Variants in NCK2 observed in about 807,000 individuals in gnomAD.
The protein encoded by NCK2 is NCK adaptor protein 2.
Under a neutral mutation model 33.9 loss-of-function variants are expected in NCK2, and 16 were observed. The observed-to-expected ratio is 0.47, with a 90% CI of 0.32 to 0.72. NCK2 has a LOEUF of 0.72. Among genes scored for constraint, NCK2 ranks in the 30% least tolerant of loss-of-function variants. The probability of loss-of-function intolerance (pLI) is 0.03; values close to 1 mark genes in which losing one functional copy is unlikely to be tolerated. For missense variants in NCK2, 418 were observed against 537.3 expected (o/e 0.78, Z 2.19); for synonymous variants, 273 against 239.9 (o/e 1.14, Z -1.27).
chr2:105,890,431 A>G (rs1438299160), intron 4 of NCK2, among the ~76,000 whole-genome samples: 4 of 152,226 alleles, frequency 2.6e-5, no homozygotes, highest in Admixed American at 6.5e-5. Flanking sequence ...AGTAAACTCT[A>G]TAAGTGAGAC....
At chr2:105,889,896 T>A (rs1042493888) in intron 4 of NCK2, among the ~76,000 whole-genome samples, 1 of 152,184 alleles carries the variant, frequency 6.6e-6, no homozygotes, top group Non-Finnish European at 1.5e-5. Flanking sequence ...CTTGAGAATA[T>A]GCTTCCTAAC....
intron 4 of NCK2, among the ~76,000 whole-genome samples, chr2:105,891,561 T>TGAGATAGAG (rs1678981824): frequency 9.8e-5 from 1 of 10,234 alleles, no homozygotes; most frequent in African/African-American, 5.9e-4. Context: ...TTTTTTTTTT[T>TGAGATAGAG]TTTTTTTGAG....
chr2:105,877,948 A>G (rs1678304337), intron 3 of NCK2, among the ~76,000 whole-genome samples: 1 of 152,206 alleles, frequency 6.6e-6, no homozygotes, highest in African/African-American at 2.4e-5. Context: ...ATAACATAGT[A>G]AAGTCAGGTC....
intron 1 of NCK2, among the ~76,000 whole-genome samples, chr2:105,793,019 C>T (rs1690946829): frequency 6.6e-6 from 1 of 152,050 alleles, no homozygotes; most frequent in African/African-American, 2.4e-5. Context: ...TCTTTCCTGT[C>T]CTGTGTCATG....
At chr2:105,801,980 T>C (rs1191572152) in intron 1 of NCK2, among the ~76,000 whole-genome samples, 2 of 152,128 alleles carry the variant, frequency 1.3e-5, no homozygotes, top group African/African-American at 4.8e-5. Context: ...TTGGTAGCGA[T>C]TGGACAGCCA....
intron 1 of NCK2, among the ~76,000 whole-genome samples, chr2:105,799,893 A>C (rs909793907): frequency 6.6e-6 from 1 of 152,208 alleles, no homozygotes; most frequent in Non-Finnish European, 1.5e-5. Context: ...CATTAATGAC[A>C]TAACTTTTTT....
At chr2:105,794,387 A>G (rs891374211) in intron 1 of NCK2, among the ~76,000 whole-genome samples, 1 of 152,008 alleles carries the variant, frequency 6.6e-6, no homozygotes, top group Non-Finnish European at 1.5e-5. Flanking sequence ...TATGCTGAAA[A>G]TCTTTGTCCC....
intron 1 of NCK2, among the ~76,000 whole-genome samples, chr2:105,804,085 A>G (rs567095592): frequency 2.0e-5 from 3 of 152,126 alleles, no homozygotes; most frequent in Non-Finnish European, 4.4e-5. Context: ...GGGGCAAATT[A>G]TATACATAGA....
intron 1 of NCK2, among the ~76,000 whole-genome samples, chr2:105,814,038 C>T (rs1283035936): frequency 2.0e-5 from 3 of 152,138 alleles, no homozygotes; most frequent in South Asian, 2.1e-4. Context: ...TCCAAGTGAC[C>T]GTATAGGTGT....
intron 1 of NCK2, among the ~76,000 whole-genome samples, chr2:105,815,469 T>C (rs899510570): frequency 6.6e-6 from 1 of 152,114 alleles, no homozygotes; most frequent in Non-Finnish European, 1.5e-5. Context: ...CCCCATTGGG[T>C]TTGAAATGTA....
chr2:105,849,960 A>G (rs1404181595), intron 2 of NCK2, among the ~76,000 whole-genome samples: 1 of 152,152 alleles, frequency 6.6e-6, no homozygotes, highest in African/African-American at 2.4e-5. Context: ...ACCCTGGGCT[A>G]TTGAAGAGGC....
intron 1 of NCK2, among the ~76,000 whole-genome samples, chr2:105,790,125 T>G (rs531176223): frequency 1.3e-5 from 2 of 152,358 alleles, no homozygotes; most frequent in Non-Finnish European, 2.9e-5. Flanking sequence ...AGTTGATTTG[T>G]GAGCTAAAAA....
intron 3 of NCK2, among the ~76,000 whole-genome samples, chr2:105,860,869 A>G (rs1573216337): frequency 6.7e-6 from 1 of 150,006 alleles, no homozygotes; most frequent in African/African-American, 2.5e-5. Context: ...TGTGGGGCAC[A>G]CGAGATGGGG....
At chr2:105,838,531 T>G (rs898632215) in intron 2 of NCK2, among the ~76,000 whole-genome samples, 2 of 152,226 alleles carry the variant, frequency 1.3e-5, no homozygotes, top group African/African-American at 4.8e-5. Context: ...AATATAAAAT[T>G]TAAATTTTTT....
chr2:105,828,675 C>T (rs568840714), intron 2 of NCK2, among the ~76,000 whole-genome samples: 177 of 152,330 alleles, frequency 1.2e-3, no homozygotes, highest in African/African-American at 4.1e-3. Context: ...GAGGTCTCAG[C>T]TTGTCTTTGA....
chr2:105,774,341 C>A (rs1463435144), intron 1 of NCK2, among the ~76,000 whole-genome samples: 1 of 152,076 alleles, frequency 6.6e-6, no homozygotes, highest in Admixed American at 6.6e-5. Context: ...GTTTTAGGTA[C>A]CTGAGTCCTC....
intron 1 of NCK2, among the ~76,000 whole-genome samples, chr2:105,774,203 T>C (rs1399693023): frequency 6.6e-6 from 1 of 151,974 alleles, no homozygotes; most frequent in Non-Finnish European, 1.5e-5. Context: ...GAGACAGGTT[T>C]TCACCATGTT....
At chr2:105,822,090 CCTTT>C (rs1162098608) in intron 2 of NCK2, among the ~76,000 whole-genome samples, 4 of 152,052 alleles carry the variant, frequency 2.6e-5, no homozygotes, top group East Asian at 2.0e-4. Flanking sequence ...CCCAAAAAAG[CCTTT>C]CTTTCTTACT....
In NCK2 at chr2:105,843,728, A is replaced by T. The variant is rs1363432302; in HGVS notation, c.-16-11320A>T. 5.9e-5 allele frequency among the ~76,000 whole-genome samples: 9 copies of T among 152,384 alleles called. No homozygotes were observed. The South Asian group carries it at 1.5e-3, about 25-fold the overall frequency. ...GAGTATAAAATAGCCGTAAGATCAC[A>T]GTGATATAAATGATGGAATACGTTA... On this transcript the variant is annotated intron_variant, in intron 2 of 4. Coordinates refer to ENST00000233154, the MANE Select transcript of NCK2 (RefSeq NM_003581.5).
Sources: gnomAD v4.1 joint callset for allele counts (sites outside exome capture counted in the v4.1 genomes callset) on GRCh38, gnomAD v4.1.1 for gene constraint, MANE v1.5 for transcripts, NCBI Gene and HGNC (gene_info 2026-07-23, HGNC 2026-07-21) for gene names.